EFNA5: variants seen among roughly 807,000 people sequenced by gnomAD.
EFNA5 encodes ephrin A5.
EFNA5 carries 5 observed loss-of-function variants against 22.9 expected under a neutral mutation model. That is an observed-to-expected ratio of 0.22 (90% CI 0.11 to 0.46). EFNA5 has a LOEUF of 0.46. Among genes scored for constraint, EFNA5 ranks in the 20% least tolerant of loss-of-function variants. The pLI is 0.99. For synonymous variants in EFNA5, 113 were observed against 112.2 expected, an observed-to-expected ratio of 1.01 and a Z score of -0.04; for missense variants, 237 against 293.3, an observed-to-expected ratio of 0.81 and a Z score of 1.40.
chr5:107,610,978 G>C (rs1359163023), intron 1 of EFNA5, among the ~76,000 whole-genome samples: 1 of 152,162 alleles, frequency 6.6e-6, no homozygotes, highest in Non-Finnish European at 1.5e-5. Flanking sequence ...GCTGTTCAGA[G>C]ACACTCATGA....
intron 1 of EFNA5, among the ~76,000 whole-genome samples, chr5:107,644,685 T>A (rs1048261256): frequency 1.3e-5 from 2 of 151,486 alleles, no homozygotes; most frequent in East Asian, 3.9e-4. Context: ...GTGACTACTG[T>A]CTACTTTTTT....
chr5:107,587,732 T>C (rs1308466390), intron 1 of EFNA5, among the ~76,000 whole-genome samples: 1 of 152,212 alleles, frequency 6.6e-6, no homozygotes, highest in Non-Finnish European at 1.5e-5. Flanking sequence ...TTAGCCAGGA[T>C]GGTCTCGATC....
At chr5:107,664,733 G>T (rs1035985313) in intron 1 of EFNA5, among the ~76,000 whole-genome samples, 3 of 152,122 alleles carry the variant, frequency 2.0e-5, no homozygotes, top group Admixed American at 2.0e-4. Flanking sequence ...GTTGTCCTGG[G>T]TAAGAGGCAA....
At chr5:107,640,973 C>CAGGTAGAT (rs1260047616) in intron 1 of EFNA5, among the ~76,000 whole-genome samples, 1 of 128,414 alleles carries the variant, frequency 7.8e-6, no homozygotes, top group South Asian at 3.1e-4. Context: ...GGTAGGTAGG[C>CAGGTAGAT]AGGTAGATAG....
At chr5:107,511,961 C>T (rs152558) in intron 1 of EFNA5, among the ~76,000 whole-genome samples, 91,993 of 152,088 alleles carry the variant, frequency 0.6, 29,557 homozygotes, top group African/African-American at 0.81. Flanking sequence ...AAATTTTCAT[C>T]TGAAAAGACC....
intron 1 of EFNA5, among the ~76,000 whole-genome samples, chr5:107,609,289 A>G (rs899624564): frequency 1.3e-5 from 2 of 152,216 alleles, no homozygotes; most frequent in African/African-American, 4.8e-5. Context: ...AACAAAAGCA[A>G]TGAGAATTTA....
intron 2 of EFNA5, among the ~76,000 whole-genome samples, chr5:107,403,007 T>A (rs1022196995): frequency 6.6e-6 from 1 of 152,206 alleles, no homozygotes; most frequent in Non-Finnish European, 1.5e-5. Flanking sequence ...GTGTGAAATA[T>A]GAACTTGCCA....
chr5:107,630,686 T>A (rs1187820774), intron 1 of EFNA5, among the ~76,000 whole-genome samples: 1 of 152,076 alleles, frequency 6.6e-6, no homozygotes, highest in Non-Finnish European at 1.5e-5. Context: ...AAATATTTTT[T>A]CTTCAATAAT....
At chr5:107,616,133 A>G (rs764030435) in intron 1 of EFNA5, among the ~76,000 whole-genome samples, 13 of 152,204 alleles carry the variant, frequency 8.5e-5, no homozygotes, top group Admixed American at 6.5e-4. Flanking sequence ...GATGAAGTCA[A>G]TAGGATTTAA....
intron 1 of EFNA5, among the ~76,000 whole-genome samples, chr5:107,433,237 T>C (rs891183672): frequency 6.6e-6 from 1 of 152,220 alleles, no homozygotes; most frequent in Non-Finnish European, 1.5e-5. Flanking sequence ...CAAGAATACA[T>C]TGTACACATT....
chr5:107,572,642 G>T (rs1003666118), intron 1 of EFNA5, among the ~76,000 whole-genome samples: 1 of 152,168 alleles, frequency 6.6e-6, no homozygotes, highest in Non-Finnish European at 1.5e-5. Context: ...ACACTGCAGC[G>T]TAGGATCAAA....
At chr5:107,478,555 G>T (rs967555407) in intron 1 of EFNA5, among the ~76,000 whole-genome samples, 1 of 152,116 alleles carries the variant, frequency 6.6e-6, no homozygotes. Flanking sequence ...CTCAGACAAC[G>T]AATACATTTT....
chr5:107,564,403 G>A (rs1019709127), intron 1 of EFNA5, among the ~76,000 whole-genome samples: 5 of 152,078 alleles, frequency 3.3e-5, no homozygotes, highest in African/African-American at 1.2e-4. Flanking sequence ...CACATATACA[G>A]CATTTGGTAT....
chr5:107,653,444 T>C (rs1394387330), intron 1 of EFNA5, among the ~76,000 whole-genome samples: 7 of 152,122 alleles, frequency 4.6e-5, no homozygotes. Context: ...TCCTAACACA[T>C]GCATACTTGA....
chr5:107,441,879 C>G (rs191764358), intron 1 of EFNA5, among the ~76,000 whole-genome samples: 6 of 152,190 alleles, frequency 3.9e-5, no homozygotes, highest in African/African-American at 1.2e-4. Flanking sequence ...TATGAAAAAA[C>G]TTACTGGACA....
chr5:107,479,274 AG>A (rs11288274), intron 1 of EFNA5, among the ~76,000 whole-genome samples: 152,242 of 152,242 alleles, frequency 1, 76,121 homozygotes, highest in Non-Finnish European at 1. Context: ...TTCTAACCCC[AG>A]GGGTAAATAT....
chr5:107,538,811 G>A (rs1747980839), intron 1 of EFNA5, among the ~76,000 whole-genome samples: 1 of 152,234 alleles, frequency 6.6e-6, no homozygotes, highest in African/African-American at 2.4e-5. Context: ...ATGATGTCAT[G>A]TGAACATCTG....
At chr5:107,583,153 A>G (rs1749104843) in intron 1 of EFNA5, among the ~76,000 whole-genome samples, 1 of 152,212 alleles carries the variant, frequency 6.6e-6, no homozygotes, top group Non-Finnish European at 1.5e-5. Context: ...TCATAACTAA[A>G]TATTTTCTAA....
At chr5:107,525,277 T>C (rs953885643) in intron 1 of EFNA5, among the ~76,000 whole-genome samples, 2 of 152,220 alleles carry the variant, frequency 1.3e-5, no homozygotes, top group African/African-American at 2.4e-5. Context: ...ACAGTGTATA[T>C]AGATATGTGT....
Sources: allele counts gnomAD v4.1 joint callset (sites outside exome capture counted in the v4.1 genomes callset), GRCh38; gene constraint gnomAD v4.1.1; transcripts MANE v1.5; gene names NCBI Gene and HGNC (gene_info 2026-07-23, HGNC 2026-07-21).